Variants in DLEC1 observed in about 807,000 individuals in gnomAD.
DLEC1 encodes DLEC1 cilia and flagella associated protein.
DLEC1 carries 146 observed loss-of-function variants against 198.1 expected under a neutral mutation model. The observed-to-expected ratio is 0.74, with a 90% confidence interval of 0.64 to 0.85. The LOEUF is 0.85. Ranked by LOEUF, DLEC1 falls within the 40% of genes least tolerant of loss-of-function variation. The probability of loss-of-function intolerance (pLI) is 0.00; values close to 1 mark genes in which losing one functional copy is unlikely to be tolerated. For missense variants in DLEC1, 2,233 were observed against 2,220.0 expected (o/e 1.01, Z -0.12); for synonymous variants, 897 against 866.8 (o/e 1.03, Z -0.61).
intron 19 of DLEC1, chr3:38,103,585 A>T (rs1168254245): frequency 6.6e-6 from 1 of 152,170 alleles, no homozygotes; most frequent in East Asian, 1.9e-4. Context: ...TTGCATTCAC[A>T]ATTTGTCTGT....
At chr3:38,088,174 A>T in intron 9 of DLEC1, 122 bp from the exon 10 acceptor site, 1 of 820,278 alleles carries the variant, frequency 1.2e-6, no homozygotes, top group Non-Finnish European at 2.0e-6. Context: ...TTACCATGTG[A>T]CTGGATGATC....
At chr3:38,069,739 C>T (rs1697216923) in intron 6 of DLEC1, among the ~76,000 whole-genome samples, 1 of 152,226 alleles carries the variant, frequency 6.6e-6, no homozygotes, top group Non-Finnish European at 1.5e-5. Flanking sequence ...TTTCAGTTGA[C>T]CACTAGTGAA....
intron 9 of DLEC1, 38 bp downstream of exon 9, chr3:38,086,415 G>T (rs1698459547): frequency 1.3e-6 from 2 of 1,574,974 alleles, no homozygotes; most frequent in African/African-American, 2.7e-5. Context: ...AAAATTACAA[G>T]TCCATCAAAG....
Position 38,122,107 on chromosome 3 carries a change from G to A in DLEC1, c.5057G>A (p.Arg1686Lys). 6.2e-7 allele frequency: 1 copy of A among 1,614,106 alleles called. No homozygotes were observed. The highest frequency in any genetic ancestry group is 8.5e-7 in the Non-Finnish European group (1 of 1,179,980). Residue 1686 changes from arginine to lysine, a missense_variant, in exon 36 of 37, where the codon AGG becomes AAG. Physicochemically the swap from Arg to Lys is conservative, Grantham distance 26 (BLOSUM62 2). Transcript: ENST00000308059. ...QEPAKAAVAF[R>K]VSPNSGLLEA... ...CCAGCCAAGGCCGCTGTGGCCTTCA[G>A]GGTCTCCCCAAACAGTGGGCTGCTA...
chr3:38,068,406 T>A (rs1427159677), intron 6 of DLEC1, among the ~76,000 whole-genome samples: 2 of 152,126 alleles, frequency 1.3e-5, no homozygotes, highest in Non-Finnish European at 2.9e-5. Flanking sequence ...AATTTTTGTA[T>A]TTTTTGTATA....
intron 14 of DLEC1, 119 bp downstream of exon 14, chr3:38,096,065 G>C (rs1699001608): frequency 8.1e-7 from 1 of 1,237,976 alleles, no homozygotes; most frequent in African/African-American, 1.5e-5. Context: ...CGCAGGCTTT[G>C]GGGAGTGAGA....
chr3:38,045,287 G>A lies in DLEC1; in HGVS notation c.412-256G>A, dbSNP rs558211869. Among the ~76,000 whole-genome samples, 276 of 152,302 alleles carry A rather than the reference G, an allele frequency of 1.8e-3. 1 individual carries two copies. The highest frequency in any genetic ancestry group is 6.4e-3 in the African/African-American group (268 of 41,570). On this transcript the variant is annotated intron_variant, in intron 1 of 36. Transcript: ENST00000308059. ...TTGGTATTTCACTGTTTGGATGGCAGCTCTCTTTATTGTGAAGCCAGGAGA... is the reference window on the plus strand; with the variant it reads ...TTGGTATTTCACTGTTTGGATGGCAACTCTCTTTATTGTGAAGCCAGGAGA...
At chr3:38,071,204 A>T (rs959631456) in intron 6 of DLEC1, among the ~76,000 whole-genome samples, 6 of 152,182 alleles carry the variant, frequency 3.9e-5, no homozygotes, top group Non-Finnish European at 8.8e-5. Context: ...GTTTTGGATG[A>T]ATTGAGAAAC....
At chr3:38,119,722 T>C (rs1041646982) in intron 33 of DLEC1, among the ~76,000 whole-genome samples, 3 of 152,046 alleles carry the variant, frequency 2.0e-5, no homozygotes, top group Admixed American at 6.5e-5. Context: ...TTTGCAGAGA[T>C]AAGGTCTCAT....
chr3:38,123,209 A>C lies in DLEC1; in HGVS notation c.*797A>C. 1.5e-6 allele frequency: 2 copies of C among 1,313,472 alleles called. No individual in the cohort carries two copies. The highest frequency in any genetic ancestry group is 2.3e-5 in the East Asian group (1 of 43,416). The allele number at this position is 1,313,472 out of a possible 1,614,324, so 81.4% of individuals were successfully genotyped here. On this transcript the variant is annotated 3_prime_UTR_variant, in exon 37 of 37. Transcript: ENST00000308059. ...CTGACCCAGAAGGACGTCATGGACA[A>C]GTAGGATGCAAAACCATCAGACCAG...
chr3:38,080,812 T>TG (rs1697943125), intron 6 of DLEC1, among the ~76,000 whole-genome samples: 1 of 148,392 alleles, frequency 6.7e-6, no homozygotes, highest in Non-Finnish European at 1.5e-5. Context: ...CTTTTTTTTT[T>TG]TTTTTTTTTT....
At position 38,107,677 on chromosome 3, in the gene DLEC1, G is replaced by A. The variant is rs759181444; in HGVS notation, c.2958G>A (p.Thr986=). ...EVRNLYLGVP[T]KTTITLINGT... ...GAAATCTCTACCTGGGTGTGCCCAC[G>A]AAGACAACCATCACACTTATCAATG... is the stretch of plus-strand genomic sequence containing the variant. The change falls in exon 20 of 37, where the codon ACG becomes ACA. Residue 986 remains threonine, a synonymous_variant. Transcript: ENST00000308059. The A allele has an allele frequency of 2.2e-5, 35 of 1,613,980 alleles. No homozygotes were observed. The highest frequency in any genetic ancestry group is 2.0e-4 in the East Asian group (9 of 44,880).
intron 12 of DLEC1, 26 bp from the exon 13 acceptor site, chr3:38,094,853 T>C: frequency 1.2e-6 from 2 of 1,609,826 alleles, no homozygotes; most frequent in Non-Finnish European, 8.5e-7. Flanking sequence ...AACTGGGACA[T>C]GGCCTTGGAT....
intron 10 of DLEC1, among the ~76,000 whole-genome samples, chr3:38,091,259 T>G (rs1575183738): frequency 6.6e-6 from 1 of 151,280 alleles, no homozygotes; most frequent in South Asian, 2.1e-4. Context: ...AGCCCAGGAG[T>G]TTGAGACCAG....
At position 38,112,195 on chromosome 3, in the gene DLEC1, G is replaced by A. The variant is rs762055254; in HGVS notation, c.3515-15G>A. On this transcript the variant is annotated splice_polypyrimidine_tract_variant and intron_variant, in intron 24 of 36. Coordinates refer to ENST00000308059, the MANE Select transcript of DLEC1 (RefSeq NM_007335.4). This position sits in a 1 kb window ranked among gnomAD's most constrained non-coding sequence, Gnocchi z 4.8. ...CCAGGCCCGTGAATCCCCCACAGTCGCGGTTCTTTCCCAGATTTTATGGAG... is the reference window on the plus strand; with the variant it reads ...CCAGGCCCGTGAATCCCCCACAGTCACGGTTCTTTCCCAGATTTTATGGAG... 3.7e-5 allele frequency: 59 copies of A among 1,613,908 alleles called. No individual in the cohort carries two copies. The highest frequency in any genetic ancestry group is 1.5e-4 in the African/African-American group (11 of 74,924).
intron 2 of DLEC1, among the ~76,000 whole-genome samples, chr3:38,051,075 A>C (rs190256734): frequency 1.5e-4 from 23 of 151,866 alleles, no homozygotes; most frequent in African/African-American, 5.3e-4. Flanking sequence ...TAATTTTTGT[A>C]TTTTTTGTAG....
chr3:38,099,775 C>T (rs960103598), intron 18 of DLEC1, among the ~76,000 whole-genome samples: 4 of 1,592 alleles, frequency 2.5e-3, no homozygotes, highest in South Asian at 0.017. Flanking sequence ...AGACCGGGGG[C>T]GGGGTGGGGG....
chr3:38,121,330 A>G (rs1338516657), intron 34 of DLEC1, among the ~76,000 whole-genome samples: 2 of 152,234 alleles, frequency 1.3e-5, no homozygotes, highest in African/African-American at 4.8e-5. Context: ...GGGCCACCAC[A>G]GGAGGAGCAG....
chr3:38,119,522 C>T (rs1482138680), intron 33 of DLEC1, among the ~76,000 whole-genome samples: 1 of 152,078 alleles, frequency 6.6e-6, no homozygotes, highest in East Asian at 1.9e-4. Flanking sequence ...ACAGCAGTTT[C>T]TAAGCCTGGC....
Sources: allele counts gnomAD v4.1 joint callset (sites outside exome capture counted in the v4.1 genomes callset), GRCh38; gene constraint gnomAD v4.1.1; non-coding constraint Gnocchi (gnomAD v3.1); transcripts MANE v1.5; gene names NCBI Gene and HGNC (gene_info 2026-07-23, HGNC 2026-07-21).